CHST8: variants seen among roughly 807,000 people sequenced by gnomAD.
CHST8 encodes the protein GALNAC-4-ST1.
Under a neutral mutation model 15.0 loss-of-function variants are expected in CHST8, and 10 were observed. The observed-to-expected ratio is 0.67, with a 90% CI of 0.41 to 1.13. CHST8 has a LOEUF of 1.13. Among genes scored for constraint, CHST8 ranks in the 50% most tolerant of loss-of-function variants. The pLI, the probability that CHST8 is intolerant of heterozygous loss-of-function variation, is 0.00. For missense variants in CHST8, 634 were observed against 608.2 expected (o/e 1.04, Z -0.45); for synonymous variants, 259 against 256.6 (o/e 1.01, Z -0.09).
intron 3 of CHST8, among the ~76,000 whole-genome samples, chr19:33,702,398 T>G (rs1973357316): frequency 6.6e-6 from 1 of 152,266 alleles, no homozygotes; most frequent in Non-Finnish European, 1.5e-5. Context: ...TCTTTTCTGA[T>G]GTTATTCTAC....
At chr19:33,747,902 G>T (rs1027861252) in intron 3 of CHST8, among the ~76,000 whole-genome samples, 32 of 152,104 alleles carry the variant, frequency 2.1e-4, no homozygotes, top group African/African-American at 7.0e-4. Flanking sequence ...TGGCTCAGCG[G>T]GTCTCCTGGC....
chr19:33,730,807 A>G (rs1265950367), intron 3 of CHST8, among the ~76,000 whole-genome samples: 1 of 152,240 alleles, frequency 6.6e-6, no homozygotes, highest in Non-Finnish European at 1.5e-5. Context: ...CCAAAACTTC[A>G]AAAGTAGGGA....
chr19:33,680,839 G>A (rs923233406), intron 2 of CHST8, among the ~76,000 whole-genome samples: 10 of 152,132 alleles, frequency 6.6e-5, no homozygotes, highest in African/African-American at 2.4e-4. Context: ...CTTCCATTCT[G>A]CATGAGCTGA....
At chr19:33,688,355 T>C (rs1973026884) in intron 2 of CHST8, among the ~76,000 whole-genome samples, 1 of 152,184 alleles carries the variant, frequency 6.6e-6, no homozygotes, top group African/African-American at 2.4e-5. Flanking sequence ...ATGGGTATAC[T>C]CTGGGTCTGC....
intron 3 of CHST8, among the ~76,000 whole-genome samples, chr19:33,693,975 A>G (rs1973148105): frequency 1.3e-5 from 2 of 150,766 alleles, no homozygotes; most frequent in Middle Eastern, 3.4e-3. Context: ...TAATGGGGCA[A>G]GGTGAGTCAT....
At position 33,765,513 on chromosome 19, in the gene CHST8, TTGTGTGTGTGTGTGTGTG is replaced by T. The variant is rs61673440; in HGVS notation, c.131-5876_131-5859del. ...ACAGGGTTTAGACAAATGCCAGTCT[TTGTGTGTGTGTGTGTGTG>T]TGTGTGTGTGTGTGTGTGTGTGTCA... On this transcript the variant is annotated intron_variant, in intron 3 of 4. Transcript: ENST00000650847. Among the ~76,000 whole-genome samples, 13 of 131,722 alleles carry T rather than the reference TTGTGTGTGTGTGTGTGTG, an allele frequency of 9.9e-5. No homozygotes were observed. In the East Asian group the frequency reaches 2.5e-3, roughly 26 times the overall value. 86.4% of individuals were successfully genotyped at this position (131,722 alleles called of 152,430 possible).
chr19:33,705,177 C>T (rs1973423413), intron 3 of CHST8, among the ~76,000 whole-genome samples: 1 of 152,076 alleles, frequency 6.6e-6, no homozygotes. Context: ...GGTGGGTCTC[C>T]TGGTGGGAAG....
chr19:33,695,507 C>T (rs1973192267), intron 3 of CHST8, among the ~76,000 whole-genome samples: 1 of 152,042 alleles, frequency 6.6e-6, no homozygotes, highest in Admixed American at 6.5e-5. Flanking sequence ...TTAGGGCACC[C>T]ATTCGTCACC....
At chr19:33,698,483 G>T (rs1325609680) in intron 3 of CHST8, among the ~76,000 whole-genome samples, 1 of 152,046 alleles carries the variant, frequency 6.6e-6, no homozygotes, top group Non-Finnish European at 1.5e-5. Flanking sequence ...ACAGGGAGAG[G>T]CAACAAATGC....
intron 3 of CHST8, among the ~76,000 whole-genome samples, chr19:33,758,066 C>CGG (rs1483218652): frequency 7.4e-6 from 1 of 134,428 alleles, no homozygotes; most frequent in Non-Finnish European, 1.6e-5. Flanking sequence ...CTGAGTGCTC[C>CGG]GGGCAGTCTC....
intron 1 of CHST8, among the ~76,000 whole-genome samples, chr19:33,666,169 T>G (rs2145226948): frequency 6.6e-6 from 1 of 152,332 alleles, no homozygotes; most frequent in South Asian, 2.1e-4. Context: ...TGGAGCAGTC[T>G]TATCTGGAAC....
intron 1 of CHST8, among the ~76,000 whole-genome samples, chr19:33,631,824 A>C (rs1299275313): frequency 1.3e-5 from 2 of 152,170 alleles, no homozygotes; most frequent in African/African-American, 4.8e-5. Flanking sequence ...ACCTGGAGTC[A>C]GACCACCTGG....
chr19:33,715,577 A>G (rs752234606), intron 3 of CHST8, among the ~76,000 whole-genome samples: 52 of 152,228 alleles, frequency 3.4e-4, no homozygotes, highest in Admixed American at 2.0e-3. Flanking sequence ...TTTTCTGGGC[A>G]TCAGTGTCTG....
intron 1 of CHST8, among the ~76,000 whole-genome samples, chr19:33,646,220 G>C (rs576208067): frequency 1.3e-5 from 2 of 152,328 alleles, no homozygotes; most frequent in East Asian, 3.9e-4. Flanking sequence ...TTGGAGGCTA[G>C]AGTCTTTCAA....
chr19:33,736,051 G>C (rs1218920693), intron 3 of CHST8, among the ~76,000 whole-genome samples: 1 of 152,238 alleles, frequency 6.6e-6, no homozygotes, highest in Non-Finnish European at 1.5e-5. Context: ...TGGTGACAGA[G>C]ACAGACATGG....
chr19:33,643,591 T>G (rs1216739241), intron 1 of CHST8, among the ~76,000 whole-genome samples: 1 of 152,240 alleles, frequency 6.6e-6, no homozygotes, highest in Non-Finnish European at 1.5e-5. Flanking sequence ...CTTTGCTTGC[T>G]GATTTTTAAA....
intron 3 of CHST8, among the ~76,000 whole-genome samples, chr19:33,696,649 C>T (rs922277738): frequency 1.3e-5 from 2 of 151,998 alleles, no homozygotes; most frequent in African/African-American, 4.8e-5. Flanking sequence ...CCTCCCCACC[C>T]CCATCTCCCT....
intron 3 of CHST8, among the ~76,000 whole-genome samples, chr19:33,701,615 G>A (rs547599699): frequency 1.5e-4 from 23 of 152,290 alleles, no homozygotes; most frequent in South Asian, 2.1e-4. Context: ...AAAAATAGAA[G>A]AGGAGATCTA....
intron 3 of CHST8, among the ~76,000 whole-genome samples, chr19:33,770,015 G>A (rs1423539058): frequency 6.6e-6 from 1 of 152,202 alleles, no homozygotes. Flanking sequence ...CCATTCCAGG[G>A]CTGACCTTGC....
Sources: gnomAD v4.1 joint callset for allele counts (sites outside exome capture counted in the v4.1 genomes callset) on GRCh38, gnomAD v4.1.1 for gene constraint, MANE v1.5 for transcripts, NCBI Gene and HGNC (gene_info 2026-07-23, HGNC 2026-07-21) for gene names.